RPTN: variants seen among roughly 807,000 people sequenced by gnomAD.
RPTN encodes the protein intermediate filament-associated protein.
In RPTN, 4 loss-of-function variants were observed where a neutral mutation model predicts 3.6. The observed-to-expected ratio is 1.12, with a 90% CI of 0.55 to 2.55. The LOEUF is 2.55. Ranked by LOEUF, RPTN falls within the 30% of genes most tolerant of loss-of-function variation. The pLI is 0.02. For synonymous variants in RPTN, 293 were observed against 319.3 expected (o/e 0.92, Z 0.88); for missense variants, 860 against 916.7 (o/e 0.94, Z 0.80).
Position 152,155,068 on chromosome 1 carries a change from T to C in RPTN, c.2031A>G (p.Arg677=). The part of the protein sequence containing the change: ...QQERPLCHKG[R]DWQSCSSEQG... ...GCTCACTACTGCATGATTGCCAGTC[T>C]CTCCCTTTGTGACAAAGTGGTCTTT... The change falls in exon 3 of 3, where the codon AGA becomes AGG. Residue 677 remains arginine, a synonymous_variant. Transcript: ENST00000316073. 2 of 1,614,186 alleles carry C rather than the reference T, an allele frequency of 1.2e-6. No individual in the cohort carries two copies. The highest frequency in any genetic ancestry group is 1.7e-6 in the Non-Finnish European group (2 of 1,180,020).
In RPTN at chr1:152,155,325, G is replaced by T. The variant is rs1410140871; in HGVS notation, c.1774C>A (p.Gln592Lys). 6.2e-7 allele frequency: 1 copy of T among 1,614,072 alleles called. No individual in the cohort carries two copies. Among genetic ancestry groups the T allele is most frequent in the Admixed American group, 1.7e-5 (1 of 59,996 alleles). Residue 592 changes from glutamine (Q) to lysine (K), a missense_variant, in exon 3 of 3, where the codon CAA (glutamine) becomes AAA (lysine). Coordinates refer to ENST00000316073, the MANE Select transcript of RPTN (RefSeq NM_001122965.1). ...CCTTGGAAGTACTTATTTTGCCCTT[G>T]TATTTCCCCAGTCTGTGATTGAATA... ...HYIQSQTGEI[Q>K]GQNKYFQGTE...
rs758067518 is a variant in RPTN, at chr1:152,155,111, A to G, written c.1988T>C (p.Leu663Ser). Residue 663 changes from leucine to serine, a missense_variant, in exon 3 of 3, where the codon TTA (leucine) becomes TCA (serine). Coordinates refer to ENST00000316073, the MANE Select transcript of RPTN (RefSeq NM_001122965.1). Reference sequence around the variant, plus strand: ...TGGTCTTTCTTGTTGGATTTGTGCTAAGAGTTTGTGTTGGTGATGTTGGCT... The same window carrying G: ...TGGTCTTTCTTGTTGGATTTGTGCTGAGAGTTTGTGTTGGTGATGTTGGCT... ...EDSQHHQHKL[L>S]AQIQQERPLC... 2 of 1,613,888 alleles carry G rather than the reference A, an allele frequency of 1.2e-6. No homozygotes were observed. Among genetic ancestry groups the G allele is most frequent in the Non-Finnish European group, 1.7e-6 (2 of 1,179,982 alleles).
intron 1 of RPTN, among the ~76,000 whole-genome samples, chr1:152,158,345 C>T (rs913457283): frequency 6.6e-6 from 1 of 152,146 alleles, no homozygotes; most frequent in Non-Finnish European, 1.5e-5. Context: ...TCCCACTGAA[C>T]AGGTTTCAGT....
rs1156251051 is a variant in RPTN at position 152,156,780 on chromosome 1, C to T, written c.319G>A (p.Gly107Arg). Reference sequence around the variant, plus strand: ...CCTGGGAACTTACAGTCTTGTGCTCCTTCCTGCCCCCTTTCTTGCTGTGAG... The same window carrying T: ...CCTGGGAACTTACAGTCTTGTGCTCTTTCCTGCCCCCTTTCTTGCTGTGAG... ...RTSQQERGQE[G>R]AQDCKFPGNT... The change falls in exon 3 of 3, where the codon GGA becomes AGA. Residue 107 changes from glycine (G) to arginine (R), a missense_variant. By Grantham distance (125) the Gly-to-Arg change is moderately radical (BLOSUM62 -2). Transcript: ENST00000316073. 3 of 1,614,086 alleles carry T rather than the reference C, an allele frequency of 1.9e-6. No individual in the cohort carries two copies. The highest frequency in any genetic ancestry group is 1.7e-6 in the Non-Finnish European group (2 of 1,180,044).
chr1:152,158,188 C>G (rs1659244410), intron 1 of RPTN, among the ~76,000 whole-genome samples: 1 of 152,156 alleles, frequency 6.6e-6, no homozygotes, highest in South Asian at 2.1e-4. Context: ...ATCCTCTACT[C>G]CAGACAGGAT....
intron 1 of RPTN, among the ~76,000 whole-genome samples, chr1:152,158,655 T>A (rs1659251746): frequency 6.6e-6 from 1 of 152,182 alleles, no homozygotes; most frequent in Non-Finnish European, 1.5e-5. Flanking sequence ...TTTTTTCTTG[T>A]GGAATGAAAA....
At position 152,155,972 on chromosome 1, in the gene RPTN, C is replaced by T. The variant is rs751659467; in HGVS notation, c.1127G>A (p.Ser376Asn). 24 of 1,613,500 alleles carry T rather than the reference C, an allele frequency of 1.5e-5. No homozygotes were observed. The Middle Eastern group carries it at 4.9e-4, about 33-fold the overall frequency. ...TGTGTCTGGCTGACCATAGTGGGAACTCTGACCTTGTCTGTTTGGTTGACT... is the reference window on the plus strand; with the variant it reads ...TGTGTCTGGCTGACCATAGTGGGAATTCTGACCTTGTCTGTTTGGTTGACT... ...HYSQPNRQGQ[S>N]SHYGQPDTQD... The change falls in exon 3 of 3, where the codon AGT becomes AAT. Residue 376 changes from serine (S) to asparagine (N), a missense_variant. Coordinates refer to ENST00000316073, the MANE Select transcript of RPTN (RefSeq NM_001122965.1).
rs1317524390 is a variant in RPTN, at chr1:152,154,564, T to C, written c.*180A>G. 1 of 894,450 alleles carries C rather than the reference T, an allele frequency of 1.1e-6. No individual in the cohort carries two copies. The highest frequency in any genetic ancestry group is 1.7e-6 in the Non-Finnish European group (1 of 581,004). 55.4% of individuals were successfully genotyped at this position (894,450 alleles called of 1,614,324 possible). On this transcript the variant is annotated 3_prime_UTR_variant, in exon 3 of 3. Transcript: ENST00000316073. ...GATAGAAGGATGGTTCAGTGTGTCT[T>C]TTCTGTGAGCCTTGGCTCTGGTCAT...
Position 152,155,933 on chromosome 1 carries a change from G to A in RPTN, c.1166C>T (p.Ser389Phe), listed in dbSNP as rs370015842. The stretch of plus-strand genomic sequence containing the variant: ...TTGTCTGTCTGTCTGACCATAGTGA[G>A]AACTCTGATCTTGTGTGTCTGGCTG... ...YGQPDTQDQS[S>F]HYGQTDRQDQ... Residue 389 changes from serine (S) to phenylalanine (F), a missense_variant, in exon 3 of 3, where the codon TCT becomes TTT. By Grantham distance (155) the Ser-to-Phe change is radical. Coordinates refer to ENST00000316073, the MANE Select transcript of RPTN (RefSeq NM_001122965.1). 6.2e-7 allele frequency: 1 copy of A among 1,613,362 alleles called. No individual in the cohort carries two copies. The highest frequency in any genetic ancestry group is 8.5e-7 in the Non-Finnish European group (1 of 1,179,824).
In RPTN at chr1:152,155,253, A is replaced by T. The variant is rs372285294; in HGVS notation, c.1846T>A (p.Ser616Thr). Reference protein sequence around the residue: ...KASYVEQSGRSGRLSQQTPGQ... With the variant: ...KASYVEQSGRTGRLSQQTPGQ... ...GGAGTCTGTTGACTTAGCCTCCCTGATCTTCCTGATTGTTCAACATAAGAG... is the reference window on the plus strand; with the variant it reads ...GGAGTCTGTTGACTTAGCCTCCCTGTTCTTCCTGATTGTTCAACATAAGAG... The change falls in exon 3 of 3, where the codon TCA becomes ACA. Residue 616 changes from serine (S) to threonine (T), a missense_variant. Ser to Thr is a moderately conservative substitution (Grantham distance 58). Transcript: ENST00000316073. 6.8e-6 allele frequency: 11 copies of T among 1,614,062 alleles called. No individual in the cohort carries two copies. Among genetic ancestry groups the T allele is most frequent in the East Asian group, 2.2e-5 (1 of 44,894 alleles).
rs769517520 is a variant in RPTN at position 152,155,163 on chromosome 1, G to A, written c.1936C>T (p.His646Tyr). 1.2e-6 allele frequency: 2 copies of A among 1,614,152 alleles called. No individual in the cohort carries two copies. Among genetic ancestry groups the A allele is most frequent in the Non-Finnish European group, 1.7e-6 (2 of 1,180,010 alleles). ...TCCTCTTCAGGCTCCCATACCTGGT[G>A]GCCGTTCTGCTGTGAGTCCCTAGAC... ...FQSRDSQQNG[H>Y]QVWEPEEDSQ... The change falls in exon 3 of 3, where the codon CAC (histidine) becomes TAC (tyrosine). Residue 646 changes from histidine to tyrosine, a missense_variant. Transcript: ENST00000316073.
At chr1:152,158,255 T>C (rs1659245118) in intron 1 of RPTN, among the ~76,000 whole-genome samples, 1 of 152,060 alleles carries the variant, frequency 6.6e-6, no homozygotes, top group Admixed American at 6.6e-5. Flanking sequence ...GGAAGCCCAA[T>C]AGAGGCAGGA....
chr1:152,156,662 T>C lies in RPTN; in HGVS notation c.437A>G (p.His146Arg), dbSNP rs754882246. ...TCTGTCTTGTCTCTCAGGCTGACCATGGTGGGAATCTCCGTCTTGTCTCTC... is the reference window on the plus strand; with the variant it reads ...TCTGTCTTGTCTCTCAGGCTGACCACGGTGGGAATCTCCGTCTTGTCTCTC... ...QPERQDGDSH[H>R]GQPERQDRDS... is the part of the protein sequence containing the mutation. The change falls in exon 3 of 3, where the codon CAT (histidine) becomes CGT (arginine). Residue 146 changes from histidine (H) to arginine (R), a missense_variant. Physicochemically the swap from His to Arg is conservative, Grantham distance 29. Coordinates refer to ENST00000316073, the MANE Select transcript of RPTN (RefSeq NM_001122965.1). 3.7e-6 allele frequency: 6 copies of C among 1,601,586 alleles called. No individual in the cohort carries two copies. The highest frequency in any genetic ancestry group is 3.5e-5 in the Admixed American group (2 of 57,172).
At position 152,155,420 on chromosome 1, in the gene RPTN, C is replaced by A; in HGVS notation, c.1679G>T (p.Gly560Val). Reference protein sequence around the residue: ...TDRQGQSSHYGQTDRQGQSYH... With the variant: ...TDRQGQSSHYVQTDRQGQSYH... ...GCTCTGGCCTTGTCTGTCTGTCTGA[C>A]CGTAGTGGGAACTCTGGCCTTGTCT... Residue 560 changes from glycine to valine, a missense_variant, in exon 3 of 3, where the codon GGT becomes GTT. Physicochemically the swap from Gly to Val is moderately radical, Grantham distance 109. Transcript: ENST00000316073. The A allele has an allele frequency of 1.9e-6, 3 of 1,613,762 alleles. No individual in the cohort carries two copies. Among genetic ancestry groups the A allele is most frequent in the African/African-American group, 2.7e-5 (2 of 74,896 alleles).
In RPTN at chr1:152,156,580, A is replaced by G; in HGVS notation, c.519T>C (p.Pro173=). The G allele has an allele frequency of 6.2e-7, 1 of 1,600,474 alleles. No homozygotes were observed. The highest frequency in any genetic ancestry group is 1.1e-5 in the South Asian group (1 of 89,302). Residue 173 remains proline (P), a synonymous_variant, in exon 3 of 3, where the codon CCT becomes CCC. Coordinates refer to ENST00000316073, the MANE Select transcript of RPTN (RefSeq NM_001122965.1). ...GGTGAGAATCTCTGTCTTGTCTCTC[A>G]GGCTGACTGTGGTGGGAATCTCTGT... ...KQDRDSHHSQ[P]ERQDRDSHHN...
intron 1 of RPTN, 61 bp from the exon 2 acceptor site, chr1:152,157,970 A>G: frequency 2.1e-6 from 3 of 1,441,278 alleles, no homozygotes; most frequent in Non-Finnish European, 2.9e-6. Flanking sequence ...CAGCATTTCC[A>G]GAGGGAAAGT....
intron 2 of RPTN, 21 bp downstream of exon 2, chr1:152,157,731 C>G: frequency 6.2e-7 from 1 of 1,613,280 alleles, no homozygotes; most frequent in South Asian, 1.1e-5. Flanking sequence ...TCTCATGGGG[C>G]TGTGTGTCTG....
In RPTN at chr1:152,156,498, T is replaced by C; in HGVS notation, c.601A>G (p.Ser201Gly). Residue 201 changes from serine to glycine, a missense_variant, in exon 3 of 3, where the codon AGT becomes GGT. By Grantham distance (56) the Ser-to-Gly change is moderately conservative. Transcript: ENST00000316073. ...TTTTTACCAGAGCTGGAGTCTTGAC[T>C]TTGTCTCTCTGACTGATCAAAGCTG... ...DFSFDQSERQ[S>G]QDSSSGKKVS... The C allele has an allele frequency of 6.2e-7, 1 of 1,614,258 alleles. No homozygotes were observed. Among genetic ancestry groups the C allele is most frequent in the Non-Finnish European group, 8.5e-7 (1 of 1,180,042 alleles).
chr1:152,157,953 C>A, intron 1 of RPTN, 44 bp from the exon 2 acceptor site: 1 of 1,533,450 alleles, frequency 6.5e-7, no homozygotes, highest in South Asian at 1.1e-5. Flanking sequence ...GGATAATGAC[C>A]ACGAGACAGC....
Sources: gnomAD v4.1 joint callset for allele counts (sites outside exome capture counted in the v4.1 genomes callset) on GRCh38, gnomAD v4.1.1 for gene constraint, MANE v1.5 for transcripts, NCBI Gene and HGNC (gene_info 2026-07-23, HGNC 2026-07-21) for gene names.